The following ROBO2 variants were observed in gnomAD, a reference collection of about 807,000 sequenced individuals.
ROBO2 encodes roundabout guidance receptor 2, also known as roundabout homolog 2.
A neutral mutation model predicts 160.8 loss-of-function variants in ROBO2; 53 were observed. That is an observed-to-expected ratio of 0.33 (90% CI 0.26 to 0.41). The LOEUF is 0.41. ROBO2 is among the 10% of genes least tolerant of loss of function. The probability of loss-of-function intolerance (pLI) is 1.00; values close to 1 mark genes in which losing one functional copy is unlikely to be tolerated. For missense variants in ROBO2, 1,577 were observed against 1,722.4 expected, an observed-to-expected ratio of 0.92 and a Z score of 1.49; for synonymous variants, 664 against 611.7, an observed-to-expected ratio of 1.09 and a Z score of -1.26.
chr3:77,211,374 G>A (rs2084131223), intron 2 of ROBO2, among the ~76,000 whole-genome samples: 1 of 152,196 alleles, frequency 6.6e-6, no homozygotes, highest in East Asian at 1.9e-4. Flanking sequence ...TCTTTTGGCT[G>A]CATAAATGTC....
intron 2 of ROBO2, among the ~76,000 whole-genome samples, chr3:76,645,081 C>T (rs1428577377): frequency 6.6e-6 from 1 of 152,146 alleles, no homozygotes; most frequent in African/African-American, 2.4e-5. Context: ...TCCATTGCTT[C>T]TCCATGAATA....
intron 2 of ROBO2, among the ~76,000 whole-genome samples, chr3:76,527,084 C>T (rs11928625): frequency 0.014 from 2,173 of 151,846 alleles, 53 homozygotes; most frequent in African/African-American, 0.049. Context: ...TATTTTTCTA[C>T]TTCATGTCAT....
At chr3:75,936,782 T>G (rs889727205) in intron 1 of ROBO2, among the ~76,000 whole-genome samples, 1 of 151,998 alleles carries the variant, frequency 6.6e-6, no homozygotes, top group African/African-American at 2.4e-5. Flanking sequence ...TTTTCATATA[T>G]CAATATGAAA....
chr3:77,520,079 AT>A (rs1398537475), intron 5 of ROBO2, among the ~76,000 whole-genome samples: 3 of 151,378 alleles, frequency 2.0e-5, no homozygotes, highest in Admixed American at 6.6e-5. Context: ...TCACTTTTAC[AT>A]TTTATTTAGC....
intron 2 of ROBO2, among the ~76,000 whole-genome samples, chr3:77,352,843 C>T (rs1045599990): frequency 7.9e-5 from 12 of 152,102 alleles, no homozygotes; most frequent in Non-Finnish European, 1.5e-4. Flanking sequence ...TGTGACAAGA[C>T]GGCTAGAGAG....
At chr3:77,045,828 C>A (rs965204305) in intron 1 of ROBO2, among the ~76,000 whole-genome samples, 1 of 152,180 alleles carries the variant, frequency 6.6e-6, no homozygotes, top group Admixed American at 6.5e-5. Context: ...GTGGATTTGT[C>A]TTTTCTGGAC....
chr3:76,320,281 ATTC>A (rs1365573153), intron 2 of ROBO2, among the ~76,000 whole-genome samples: 1 of 152,196 alleles, frequency 6.6e-6, no homozygotes, highest in African/African-American at 2.4e-5. Context: ...ATATGACTAT[ATTC>A]TTATGTAGAG....
intron 2 of ROBO2, among the ~76,000 whole-genome samples, chr3:76,694,613 G>A (rs543022271): frequency 2.3e-4 from 35 of 151,992 alleles, no homozygotes; most frequent in African/African-American, 4.8e-4. Flanking sequence ...ATAGGAAAGC[G>A]TTCCTATCTT....
intron 2 of ROBO2, among the ~76,000 whole-genome samples, chr3:76,525,910 A>G (rs1427901859): frequency 6.6e-6 from 1 of 152,024 alleles, no homozygotes; most frequent in Non-Finnish European, 1.5e-5. Flanking sequence ...GATTCCATTT[A>G]GAAAGCAGAA....
intron 2 of ROBO2, among the ~76,000 whole-genome samples, chr3:76,679,798 C>G (rs965314554): frequency 6.6e-6 from 1 of 152,020 alleles, no homozygotes; most frequent in Non-Finnish European, 1.5e-5. Flanking sequence ...ATTAGCTATT[C>G]CACATAAGAA....
chr3:76,555,417 GA>G (rs112404930), intron 2 of ROBO2, among the ~76,000 whole-genome samples: 2,021 of 53,008 alleles, frequency 0.038, 80 homozygotes, highest in Non-Finnish European at 0.086. Flanking sequence ...AGAAGAAGAA[GA>G]AAGAAGGAGA....
intron 2 of ROBO2, among the ~76,000 whole-genome samples, chr3:77,346,046 A>G (rs932177681): frequency 1.2e-4 from 18 of 152,164 alleles, no homozygotes; most frequent in Non-Finnish European, 1.9e-4. Context: ...AGTACAAACT[A>G]CATAATACTC....
chr3:77,590,223 T>C (rs886388946), intron 17 of ROBO2, among the ~76,000 whole-genome samples: 1 of 152,122 alleles, frequency 6.6e-6, no homozygotes, highest in Non-Finnish European at 1.5e-5. Flanking sequence ...CTACAGCATA[T>C]CCATTGACAA....
intron 2 of ROBO2, among the ~76,000 whole-genome samples, chr3:76,843,808 G>A (rs367634570): frequency 6.6e-6 from 1 of 151,940 alleles, no homozygotes; most frequent in Admixed American, 6.6e-5. Flanking sequence ...TTCTAAAAAC[G>A]ACCAGGTACA....
intron 2 of ROBO2, among the ~76,000 whole-genome samples, chr3:76,805,274 AT>A (rs2064589373): frequency 6.6e-6 from 1 of 151,558 alleles, no homozygotes; most frequent in Non-Finnish European, 1.5e-5. Context: ...ACCTTCGATT[AT>A]TTTTTCCAAG....
intron 2 of ROBO2, among the ~76,000 whole-genome samples, chr3:76,235,072 G>T (rs1054472054): frequency 1.3e-5 from 2 of 152,126 alleles, no homozygotes; most frequent in African/African-American, 4.8e-5. Flanking sequence ...GGCCCAAAGG[G>T]TGGGTAAGTT....
intron 2 of ROBO2, among the ~76,000 whole-genome samples, chr3:77,172,405 AT>A (rs547026800): frequency 2.2e-4 from 33 of 151,804 alleles, no homozygotes; most frequent in East Asian, 2.1e-3. Context: ...GTCTTTTCTG[AT>A]TTTTTTTTAA....
chr3:76,654,842 T>TA (rs1487094542), intron 2 of ROBO2, among the ~76,000 whole-genome samples: 19 of 63,504 alleles, frequency 3.0e-4, no homozygotes, highest in African/African-American at 4.1e-4. Flanking sequence ...TTATAATTTT[T>TA]TTATATATAT....
chr3:77,374,342 G>A (rs2072322276), intron 2 of ROBO2, among the ~76,000 whole-genome samples: 2 of 151,986 alleles, frequency 1.3e-5, no homozygotes, highest in Non-Finnish European at 2.9e-5. Context: ...GAAATAATAA[G>A]TTGAAGTGAC....
Sources: gnomAD v4.1 joint callset for allele counts (sites outside exome capture counted in the v4.1 genomes callset) on GRCh38, gnomAD v4.1.1 for gene constraint, MANE v1.5 for transcripts, NCBI Gene and HGNC (gene_info 2026-07-23, HGNC 2026-07-21) for gene names.